WDR18: variants seen among roughly 807,000 people sequenced by gnomAD.
The protein encoded by WDR18 is WD repeat domain 18, also known as WD repeat-containing protein 18.
In WDR18, 33 loss-of-function variants were observed where a neutral mutation model predicts 49.6. The ratio of observed to expected loss-of-function variants is 0.67; its 90% confidence interval spans 0.50 to 0.89. The LOEUF is 0.89. Ranked by LOEUF, WDR18 falls within the 40% of genes least tolerant of loss-of-function variation. WDR18 has a pLI of 0.00. For missense variants in WDR18, 653 were observed against 593.6 expected (o/e 1.10, Z -1.04); for synonymous variants, 315 against 263.6 (o/e 1.19, Z -1.89).
intron 3 of WDR18, 66 bp from the exon 4 acceptor site, chr19:990,157 T>C: frequency 6.6e-7 from 1 of 1,504,394 alleles, no homozygotes. Context: ...AGGTGGGTGC[T>C]GGAGGCGTGG....
intron 2 of WDR18, 78 bp downstream of exon 2, chr19:986,053 C>T: frequency 7.1e-7 from 1 of 1,416,274 alleles, no homozygotes. Flanking sequence ...CACCAGGGAA[C>T]AACCATGCGG....
Position 984,394 on chromosome 19 carries a change from C to T in WDR18, c.41C>T (p.Ala14Val), listed in dbSNP as rs1350179439. 6.9e-6 allele frequency: 11 copies of T among 1,601,184 alleles called. No individual in the cohort carries two copies. The highest frequency in any genetic ancestry group is 1.7e-6 in the Non-Finnish European group (2 of 1,175,588). ...GAGGTGGCCGTGTGTACGGACTCGG[C>T]GGCCCCGATGTGGAGCTGCATCGTG... ...PMEVAVCTDSAAPMWSCIVWE... is the reference protein window; with the variant it reads ...PMEVAVCTDSVAPMWSCIVWE... The change falls in exon 1 of 10, where the codon GCG (alanine) becomes GTG (valine). Residue 14 changes from alanine (A) to valine (V), a missense_variant. Ala to Val is a moderately conservative substitution (Grantham distance 64). Transcript: ENST00000585809.
chr19:994,145 G>A (rs2038598993), intron 9 of WDR18, 57 bp downstream of exon 9: 6 of 1,548,664 alleles, frequency 3.9e-6, no homozygotes, highest in Non-Finnish European at 5.2e-6. Flanking sequence ...CTGGCCAGTG[G>A]GGGTGAGTGG....
upstream of WDR18, among the ~76,000 whole-genome samples, chr19:983,738 C>A (rs1449450113): frequency 3.3e-5 from 5 of 151,944 alleles, no homozygotes; most frequent in Admixed American, 1.3e-4. Context: ...AGGCAGATGT[C>A]GACCAATAAG....
chr19:992,076 G>A lies in WDR18; in HGVS notation c.1053G>A (p.Glu351=), dbSNP rs774711231. The A allele has an allele frequency of 3.2e-6, 5 of 1,558,868 alleles. No individual in the cohort carries two copies. In the South Asian group the frequency reaches 4.7e-5, roughly 15 times the overall value. ...KHLLGAEHGD[E]PRHGGLTLRL... The stretch of plus-strand genomic sequence containing the variant: ...TGCTGGGCGCCGAGCACGGGGACGA[G>A]CCGCGCCACGGGGGCCTCACTCTGC... The change falls in exon 8 of 10, where the codon GAG becomes GAA. Residue 351 remains glutamate, a synonymous_variant. Coordinates refer to ENST00000585809, the MANE Select transcript of WDR18 (RefSeq NM_024100.4).
chr19:992,790 G>A (rs2038577371), intron 8 of WDR18, among the ~76,000 whole-genome samples: 1 of 152,254 alleles, frequency 6.6e-6, no homozygotes, highest in African/African-American at 2.4e-5. Context: ...TTCCCAGTGT[G>A]TTTCCGCCTC....
At chr19:992,337 C>T (rs2038570658) in intron 8 of WDR18, among the ~76,000 whole-genome samples, 1 of 152,236 alleles carries the variant, frequency 6.6e-6, no homozygotes, top group Admixed American at 6.5e-5. Flanking sequence ...AACCACCCCT[C>T]TTCCCCCGGC....
chr19:992,142 C>A (rs2038567541), intron 8 of WDR18, 21 bp downstream of exon 8: 2 of 1,434,520 alleles, frequency 1.4e-6, no homozygotes, highest in Non-Finnish European at 9.1e-7. Flanking sequence ...CAGCAGGGAA[C>A]CCCCACTGCC....
Position 994,387 on chromosome 19 carries a change from T to C in WDR18, c.*43T>C, listed in dbSNP as rs938901533. 7 of 1,570,798 alleles carry C rather than the reference T, an allele frequency of 4.5e-6. No homozygotes were observed. Among genetic ancestry groups the C allele is most frequent in the Non-Finnish European group, 6.0e-6 (7 of 1,160,866 alleles). ...CCGAGGCGCCCAGGCCTGAGCCCCATGCCTCCCAGCAACCAGGGCCCGCGG... is the reference window on the plus strand; with the variant it reads ...CCGAGGCGCCCAGGCCTGAGCCCCACGCCTCCCAGCAACCAGGGCCCGCGG... On this transcript the variant is annotated 3_prime_UTR_variant, in exon 10 of 10. Transcript: ENST00000585809.
intron 2 of WDR18, among the ~76,000 whole-genome samples, chr19:986,267 C>T (rs535143473): frequency 2.0e-5 from 3 of 152,338 alleles, no homozygotes; most frequent in Non-Finnish European, 4.4e-5. Context: ...ATCTCTTCCA[C>T]GCAGGCGGCA....
intron 2 of WDR18, among the ~76,000 whole-genome samples, chr19:988,527 C>T (rs1027384922): frequency 2.6e-5 from 4 of 152,320 alleles, no homozygotes; most frequent in African/African-American, 7.2e-5. Context: ...GCGAGGAAAG[C>T]GAGGCCCAGA....
At chr19:989,501 A>C (rs1487623109) in intron 2 of WDR18, among the ~76,000 whole-genome samples, 1 of 152,126 alleles carries the variant, frequency 6.6e-6, no homozygotes, top group Non-Finnish European at 1.5e-5. Context: ...AAGGGCAGGA[A>C]ACTTGCCCCT....
In WDR18 at chr19:991,370, G is replaced by A. The variant is rs771300491; in HGVS notation, c.931+19G>A. On this transcript the variant is annotated intron_variant, in intron 7 of 9. Transcript: ENST00000585809. ...CTCAAAGGTGGGCGCGCCTCTGCTC[G>A]GCCCGCGGCCAGCGCGCAGGGGAAA... The A allele has an allele frequency of 3.9e-6, 6 of 1,538,348 alleles. No individual in the cohort carries two copies. Among genetic ancestry groups the A allele is most frequent in the African/African-American group, 2.8e-5 (2 of 71,798 alleles).
chr19:989,732 C>G (rs753551646), intron 2 of WDR18, 30 bp from the exon 3 acceptor site: 1 of 1,611,672 alleles, frequency 6.2e-7, no homozygotes, highest in Non-Finnish European at 8.5e-7. Context: ...GCTTTCCTCC[C>G]CTGACCTGGA....
At chr19:991,828 G>A (rs1458172068) in intron 7 of WDR18, 127 bp from the exon 8 acceptor site, 41 of 1,061,656 alleles carry the variant, frequency 3.9e-5, no homozygotes, top group Non-Finnish European at 4.7e-5. Context: ...CCTGGCTGGG[G>A]GCGTGGACTG....
intron 2 of WDR18, among the ~76,000 whole-genome samples, chr19:988,286 G>A (rs950415601): frequency 6.6e-6 from 1 of 151,760 alleles, no homozygotes; most frequent in Non-Finnish European, 1.5e-5. Flanking sequence ...CGGTGAGTCA[G>A]GAGTGGGCTG....
chr19:989,541 G>T (rs1039955511), intron 2 of WDR18, among the ~76,000 whole-genome samples: 5 of 152,190 alleles, frequency 3.3e-5, no homozygotes, highest in African/African-American at 1.2e-4. Flanking sequence ...TGGGGACGAG[G>T]CGGGAACAGG....
upstream of WDR18, chr19:984,211 A>T: frequency 1.1e-6 from 1 of 893,664 alleles, no homozygotes; most frequent in Non-Finnish European, 1.6e-6. Context: ...CCACTTCACA[A>T]GAAAGCCCCT....
intron 7 of WDR18, among the ~76,000 whole-genome samples, 197 bp downstream of exon 7, chr19:991,548 C>T (rs1239274346): frequency 1.8e-4 from 3 of 16,696 alleles, no homozygotes; most frequent in Admixed American, 1.6e-3. Context: ...TGCTGTGGGG[C>T]GGGGCCTGGC....
Sources: allele counts gnomAD v4.1 joint callset (sites outside exome capture counted in the v4.1 genomes callset), GRCh38; gene constraint gnomAD v4.1.1; transcripts MANE v1.5; gene names NCBI Gene and HGNC (gene_info 2026-07-23, HGNC 2026-07-21).